Variants in WIPI2 observed in about 807,000 individuals in gnomAD.
The protein encoded by WIPI2 is WD repeat domain phosphoinositide-interacting protein 2.
WIPI2 carries 28 observed loss-of-function variants against 52.3 expected under a neutral mutation model. The observed-to-expected ratio is 0.54, with a 90% CI of 0.40 to 0.73. The LOEUF (loss-of-function observed/expected upper bound fraction) is 0.73. WIPI2 is among the 30% of genes least tolerant of loss of function. WIPI2 has a pLI of 0.00. For missense variants in WIPI2, 506 were observed against 602.9 expected (o/e 0.84, Z 1.68); for synonymous variants, 268 against 245.0 (o/e 1.09, Z -0.88).
At chr7:5,223,915 C>T (rs1327784119) in intron 8 of WIPI2, among the ~76,000 whole-genome samples, 8 of 152,270 alleles carry the variant, frequency 5.3e-5, no homozygotes, top group Admixed American at 5.2e-4. Flanking sequence ...CCTCTCCCGC[C>T]ACGCCACCTG....
At chr7:5,203,448 C>A (rs552590739) in intron 3 of WIPI2, among the ~76,000 whole-genome samples, 87 of 152,162 alleles carry the variant, frequency 5.7e-4, no homozygotes, top group African/African-American at 1.8e-3. Context: ...ACCACGCCAG[C>A]AGAAGCAAAA....
At chr7:5,202,337 G>A (rs545243093) in intron 3 of WIPI2, among the ~76,000 whole-genome samples, 3 of 152,260 alleles carry the variant, frequency 2.0e-5, no homozygotes, top group Non-Finnish European at 2.9e-5. Context: ...AAACTTGAAA[G>A]TTGCAGGAAC....
chr7:5,206,955 T>G (rs1156668086), intron 3 of WIPI2, among the ~76,000 whole-genome samples: 1 of 152,110 alleles, frequency 6.6e-6, no homozygotes, highest in Non-Finnish European at 1.5e-5. Flanking sequence ...TTTTTCGATT[T>G]TTTTGTAGGG....
intron 3 of WIPI2, among the ~76,000 whole-genome samples, chr7:5,206,749 C>CAG (rs1253944145): frequency 6.6e-6 from 1 of 152,168 alleles, no homozygotes; most frequent in Admixed American, 6.5e-5. Context: ...CACACACACA[C>CAG]AGACACCATC....
intron 3 of WIPI2, among the ~76,000 whole-genome samples, chr7:5,203,725 C>T (rs1405417499): frequency 6.0e-5 from 9 of 151,170 alleles, no homozygotes; most frequent in African/African-American, 9.7e-5. Flanking sequence ...CTCCGCCTCC[C>T]GGATTCGCGC....
At chr7:5,212,808 G>A (rs968824740) in intron 3 of WIPI2, among the ~76,000 whole-genome samples, 5 of 152,214 alleles carry the variant, frequency 3.3e-5, no homozygotes, top group East Asian at 1.9e-4. Context: ...GCGAAGCACC[G>A]CATCTGGCCC....
At chr7:5,202,455 C>G (rs985153877) in intron 3 of WIPI2, among the ~76,000 whole-genome samples, 1 of 152,192 alleles carries the variant, frequency 6.6e-6, no homozygotes, top group Non-Finnish European at 1.5e-5. Context: ...ATAATCATAG[C>G]TCACTGTACC....
intron 4 of WIPI2, 116 bp downstream of exon 4, chr7:5,214,820 G>A: frequency 8.4e-7 from 1 of 1,186,790 alleles, no homozygotes. Context: ...GCCCCACGTT[G>A]CCGGGCACAG....
chr7:5,208,591 C>G (rs1343657940), intron 3 of WIPI2, among the ~76,000 whole-genome samples: 1 of 152,104 alleles, frequency 6.6e-6, no homozygotes, highest in Non-Finnish European at 1.5e-5. Flanking sequence ...TAATCTATCT[C>G]ATTAATTTTT....
chr7:5,191,157 C>T (rs1781465812), intron 1 of WIPI2, among the ~76,000 whole-genome samples: 1 of 151,986 alleles, frequency 6.6e-6, no homozygotes, highest in South Asian at 2.1e-4. Flanking sequence ...GTAGCTGAGA[C>T]TACAGGCACG....
At chr7:5,226,249 T>G in intron 9 of WIPI2, 1 of 317,020 alleles carries the variant, frequency 3.2e-6, no homozygotes. Flanking sequence ...AAAGCGTTTG[T>G]GATCAGACAG....
chr7:5,216,922 A>G lies in WIPI2; in HGVS notation c.479-168A>G, dbSNP rs1562399670. On this transcript the variant is annotated intron_variant, in intron 5 of 12. Transcript: ENST00000288828. The stretch of plus-strand genomic sequence containing the variant: ...CTCTTGACAATACTGGTATCACCTA[A>G]GGTGGGGATTTGGGGTTGCAGAACT... The G allele has an allele frequency of 4.0e-6, 3 of 755,074 alleles. No individual in the cohort carries two copies. In the African/African-American group the frequency reaches 5.3e-5, roughly 13 times the overall value. 46.8% of individuals were successfully genotyped at this position (755,074 alleles called of 1,614,324 possible).
chr7:5,193,439 A>G (rs545850550), intron 2 of WIPI2: 1 of 958,226 alleles, frequency 1.0e-6, no homozygotes, highest in African/African-American at 1.7e-5. Context: ...TGTTTGTAGA[A>G]TTGATGTTAT....
rs527394367 is a variant in WIPI2 at position 5,226,221 on chromosome 7, C to T, written c.848+291C>T. 8 of 370,892 alleles carry T rather than the reference C, an allele frequency of 2.2e-5. 1 individual carries two copies. The highest frequency in any genetic ancestry group is 1.6e-4 in the African/African-American group (8 of 48,624). 23.0% of individuals were successfully genotyped at this position (370,892 alleles called of 1,614,324 possible). On this transcript the variant is annotated intron_variant, in intron 9 of 12. Coordinates refer to ENST00000288828, the MANE Select transcript of WIPI2 (RefSeq NM_015610.4). Reference sequence around the variant, plus strand: ...TTTGTCAGTGAAGATGGCCTCTCCTCAGGTTCCCCTCACGACAAAAGCGTT... The same window carrying T: ...TTTGTCAGTGAAGATGGCCTCTCCTTAGGTTCCCCTCACGACAAAAGCGTT...
In WIPI2 at chr7:5,190,374, G is replaced by T. The variant is rs780142581; in HGVS notation, c.-46G>T. 6.2e-6 allele frequency: 8 copies of T among 1,284,728 alleles called. No individual in the cohort carries two copies. In the South Asian group the frequency reaches 1.6e-4, roughly 26 times the overall value. 79.6% of individuals were successfully genotyped at this position (1,284,728 alleles called of 1,614,324 possible). A position where few individuals can be genotyped will look rare whatever the true frequency, so the allele number is the denominator to read the frequency against. ...CCTGAGTGCAGCCTGACCCGCCCTC[G>T]CGCGCGCGCCCTCCCCGGCCGGGCC... On this transcript the variant is annotated 5_prime_UTR_variant, in exon 1 of 13. Coordinates refer to ENST00000288828, the MANE Select transcript of WIPI2 (RefSeq NM_015610.4).
chr7:5,223,774 C>T (rs1783272048), intron 8 of WIPI2, among the ~76,000 whole-genome samples: 1 of 152,180 alleles, frequency 6.6e-6, no homozygotes, highest in Non-Finnish European at 1.5e-5. Flanking sequence ...CCTCACACTC[C>T]CCATCTTGGT....
intron 8 of WIPI2, among the ~76,000 whole-genome samples, chr7:5,223,694 C>T (rs750450537): frequency 2.0e-4 from 31 of 152,160 alleles, no homozygotes; most frequent in Admixed American, 7.2e-4. Flanking sequence ...TTGAGGTGCC[C>T]GTATTCCTCC....
At position 5,232,047 on chromosome 7, in the gene WIPI2, T is replaced by G; in HGVS notation, c.*1100T>G. On this transcript the variant is annotated 3_prime_UTR_variant, in exon 13 of 13. Coordinates refer to ENST00000288828, the MANE Select transcript of WIPI2 (RefSeq NM_015610.4). ...CTCGCTTCCCTTCCCTTTTCATATT[T>G]ACAGAATTAAAACAACCTCAAGTAC... 2.5e-6 allele frequency: 1 copy of G among 397,812 alleles called. No individual in the cohort carries two copies. Among genetic ancestry groups the G allele is most frequent in the Non-Finnish European group, 4.4e-6 (1 of 225,868 alleles). 24.6% of individuals were successfully genotyped at this position (397,812 alleles called of 1,614,324 possible). A position where few individuals can be genotyped will look rare whatever the true frequency, so the allele number is the denominator to read the frequency against.
chr7:5,217,343 C>T (rs944698811), intron 6 of WIPI2, 156 bp downstream of exon 6: 39 of 783,168 alleles, frequency 5.0e-5, no homozygotes, highest in Non-Finnish European at 6.5e-5. Flanking sequence ...CTGGCTCTGT[C>T]GCCCATGCTG....
Sources: gnomAD v4.1 joint callset for allele counts (sites outside exome capture counted in the v4.1 genomes callset) on GRCh38, gnomAD v4.1.1 for gene constraint, MANE v1.5 for transcripts, NCBI Gene and HGNC (gene_info 2026-07-23, HGNC 2026-07-21) for gene names.